The following SLC5A10 variants were observed in gnomAD, a reference collection of about 807,000 sequenced individuals.
SLC5A10 encodes solute carrier family 5 member 10, also known as sodium/mannose cotransporter SLC5A10.
In SLC5A10, 55 loss-of-function variants were observed where a neutral mutation model predicts 68.9. The observed-to-expected ratio is 0.80, with a 90% CI of 0.64 to 1.00. The LOEUF is 1.00. SLC5A10 is among the 50% of genes least tolerant of loss of function. The pLI is 0.00. For missense variants in SLC5A10, 732 were observed against 819.3 expected (o/e 0.89, Z 1.30); for synonymous variants, 344 against 344.8 (o/e 1.00, Z 0.02).
Position 19,017,242 on chromosome 17 carries a change from A to T in SLC5A10, c.1241+2043A>T. ...GATAGAGCAGAAAGGGCCCCGTGCC[A>T]GGTGTCAGGCTGGCCAGCTCAACTT... On this transcript the variant is annotated intron_variant, in intron 11 of 14. Transcript: ENST00000395645. This position sits in a 1 kb window ranked among gnomAD's most constrained non-coding sequence, Gnocchi z 5.6. 1 of 1,522,934 alleles carries T rather than the reference A, an allele frequency of 6.6e-7. No homozygotes were observed. The highest frequency in any genetic ancestry group is 8.9e-7 in the Non-Finnish European group (1 of 1,121,056). 94.3% of individuals were successfully genotyped at this position (1,522,934 alleles called of 1,614,324 possible). A position where few individuals can be genotyped will look rare whatever the true frequency, so the allele number is the denominator to read the frequency against.
At chr17:19,006,499 G>C (rs146473042) in intron 9 of SLC5A10, among the ~76,000 whole-genome samples, 2 of 147,782 alleles carry the variant, frequency 1.4e-5, no homozygotes, top group Non-Finnish European at 3.0e-5. Context: ...TTGGCCTCCC[G>C]AAGTTCTGGG....
chr17:18,990,834 C>T (rs761499955), intron 9 of SLC5A10, among the ~76,000 whole-genome samples: 4 of 152,198 alleles, frequency 2.6e-5, no homozygotes, highest in Non-Finnish European at 4.4e-5. Context: ...CCTGGCCTGT[C>T]CATGGAGCCA....
intron 8 of SLC5A10, among the ~76,000 whole-genome samples, chr17:18,972,457 C>G (rs2042878444): frequency 6.6e-6 from 1 of 152,240 alleles, no homozygotes; most frequent in Admixed American, 6.5e-5. Flanking sequence ...AGAGCTGGAT[C>G]CGAACCCAGA....
At chr17:18,980,393 G>GA (rs2043100953) in intron 9 of SLC5A10, among the ~76,000 whole-genome samples, 1 of 152,148 alleles carries the variant, frequency 6.6e-6, no homozygotes, top group African/African-American at 2.4e-5. Context: ...CTCAGAGACT[G>GA]TGGCCAAGGG....
rs1350090784 is a variant in SLC5A10 at position 18,957,744 on chromosome 17, G to A, written c.112-938G>A. Reference sequence around the variant, plus strand: ...CTCCCAAAGTGCTGGGATTACAGGCGTGAGCCACCGCGCCAGCCCATTTTA... The same window carrying A: ...CTCCCAAAGTGCTGGGATTACAGGCATGAGCCACCGCGCCAGCCCATTTTA... On this transcript the variant is annotated intron_variant, in intron 1 of 14. Coordinates refer to ENST00000395645, the MANE Select transcript of SLC5A10 (RefSeq NM_001042450.4). 5.3e-5 allele frequency among the ~76,000 whole-genome samples: 8 copies of A among 152,184 alleles called. No homozygotes were observed. In the South Asian group the frequency reaches 1.0e-3, roughly 20 times the overall value.
In SLC5A10 at chr17:19,020,491, C is replaced by T; in HGVS notation, c.*60C>T. On this transcript the variant is annotated 3_prime_UTR_variant, in exon 15 of 15. Coordinates refer to ENST00000395645, the MANE Select transcript of SLC5A10 (RefSeq NM_001042450.4). Reference sequence around the variant, plus strand: ...AGTCCTCAGGTCCACCCATTTCCCTCATGGGGATCCCGAGGCCCCAAGAGG... The same window carrying T: ...AGTCCTCAGGTCCACCCATTTCCCTTATGGGGATCCCGAGGCCCCAAGAGG... 3 of 1,534,978 alleles carry T rather than the reference C, an allele frequency of 2.0e-6. No individual in the cohort carries two copies. Among genetic ancestry groups the T allele is most frequent in the East Asian group, 2.3e-5 (1 of 44,014 alleles).
At chr17:18,953,416 G>C (rs1181317433) in intron 1 of SLC5A10, 2 of 152,576 alleles carry the variant, frequency 1.3e-5, no homozygotes, top group Admixed American at 1.3e-4. Flanking sequence ...ACAGGCGTGA[G>C]CCACCGCGCC....
At chr17:18,975,093 C>T (rs184441754) in intron 8 of SLC5A10, among the ~76,000 whole-genome samples, 81 of 152,260 alleles carry the variant, frequency 5.3e-4, no homozygotes, top group African/African-American at 1.9e-3. Context: ...AATATCCCAC[C>T]AATGGCAAAA....
intron 5 of SLC5A10, among the ~76,000 whole-genome samples, chr17:18,966,904 C>G (rs1396811204): frequency 1.3e-5 from 2 of 152,040 alleles, no homozygotes; most frequent in African/African-American, 2.4e-5. Context: ...GGTGGAGGGG[C>G]TGGGTGGCTG....
intron 9 of SLC5A10, among the ~76,000 whole-genome samples, chr17:19,009,820 G>C (rs543268098): frequency 6.6e-6 from 1 of 152,294 alleles, no homozygotes; most frequent in African/African-American, 2.4e-5. Context: ...AGGTCATAGA[G>C]TTATTGGTGC....
upstream of SLC5A10, chr17:18,952,151 C>T: frequency 3.2e-6 from 5 of 1,571,786 alleles, no homozygotes; most frequent in Admixed American, 1.9e-5. Flanking sequence ...CCTTTCTGAC[C>T]TGGTTTGCCC....
At chr17:18,958,989 G>GC in intron 2 of SLC5A10, 146 bp from the exon 3 acceptor site, 1 of 817,214 alleles carries the variant, frequency 1.2e-6, no homozygotes, top group Non-Finnish European at 1.9e-6. Flanking sequence ...CTAGTCATGG[G>GC]TAGAACACAC....
At chr17:19,002,867 A>G (rs892220867) in intron 9 of SLC5A10, among the ~76,000 whole-genome samples, 3 of 152,110 alleles carry the variant, frequency 2.0e-5, no homozygotes, top group Non-Finnish European at 4.4e-5. Flanking sequence ...TCCGGTGGCA[A>G]AATTCAGGTG....
chr17:18,973,381 T>C (rs142271777), intron 8 of SLC5A10, among the ~76,000 whole-genome samples: 2 of 151,766 alleles, frequency 1.3e-5, no homozygotes, highest in Non-Finnish European at 2.9e-5. Flanking sequence ...CACAGGGAGG[T>C]GGAGGAGGAA....
At position 19,019,513 on chromosome 17, in the gene SLC5A10, G is replaced by A. The variant is rs1317251652; in HGVS notation, c.1332G>A (p.Gln444=). 6.2e-7 allele frequency: 1 copy of A among 1,612,490 alleles called. No homozygotes were observed. Among genetic ancestry groups the A allele is most frequent in the Admixed American group, 1.7e-5 (1 of 60,010 alleles). The change falls in exon 12 of 15, where the codon CAG becomes CAA. Residue 444 remains glutamine (Q), a synonymous_variant. Transcript: ENST00000395645. Reference sequence around the variant, plus strand: ...GCGGGCAACTCTTCATCTACATGCAGTCAGTGACCAGCTCCCTGGCCCCAC... The same window carrying A: ...GCGGGCAACTCTTCATCTACATGCAATCAGTGACCAGCTCCCTGGCCCCAC... The part of the protein sequence containing the change: ...SNSGQLFIYM[Q]SVTSSLAPPV...
intron 8 of SLC5A10, among the ~76,000 whole-genome samples, chr17:18,972,557 G>A (rs561184010): frequency 1.8e-4 from 27 of 152,272 alleles, no homozygotes; most frequent in Non-Finnish European, 3.4e-4. Flanking sequence ...ACCCTCCCTG[G>A]GTTCCAACAG....
At chr17:18,964,499 A>G (rs1768912185) in intron 5 of SLC5A10, among the ~76,000 whole-genome samples, 1 of 152,186 alleles carries the variant, frequency 6.6e-6, no homozygotes, top group African/African-American at 2.4e-5. Context: ...AGCCCCCCAC[A>G]CCCATAGATG....
In SLC5A10 at chr17:18,958,739, A is replaced by G. The variant is rs202111219; in HGVS notation, c.169A>G (p.Met57Val). The G allele has an allele frequency of 1.2e-6, 2 of 1,614,214 alleles. No individual in the cohort carries two copies. The highest frequency in any genetic ancestry group is 1.7e-5 in the Admixed American group (1 of 60,032). ...VNGYFLAGRD[M>V]TWWPIGASLF... ...TGGCTACTTCCTGGCAGGCCGGGAC[A>G]TGACGTGGTGGCCGGTGAGTGCACC... Residue 57 changes from methionine (M) to valine (V), a missense_variant, in exon 2 of 15, where the codon ATG (methionine) becomes GTG (valine). Coordinates refer to ENST00000395645, the MANE Select transcript of SLC5A10 (RefSeq NM_001042450.4).
At chr17:18,965,582 G>GAA (rs1012890355) in intron 5 of SLC5A10, among the ~76,000 whole-genome samples, 2 of 152,182 alleles carry the variant, frequency 1.3e-5, no homozygotes, top group Admixed American at 1.3e-4. Context: ...GATGGAGTGA[G>GAA]GCTCCTTCAT....
Sources: gnomAD v4.1 joint callset for allele counts (sites outside exome capture counted in the v4.1 genomes callset) on GRCh38, gnomAD v4.1.1 for gene constraint, Gnocchi (gnomAD v3.1) non-coding constraint, MANE v1.5 for transcripts, NCBI Gene and HGNC (gene_info 2026-07-23, HGNC 2026-07-21) for gene names.